UMAD1: variants seen among roughly 807,000 people sequenced by gnomAD.
The protein encoded by UMAD1 is UBAP1-MVB12-associated (UMA)-domain containing protein 1.
In UMAD1, 8 loss-of-function variants were observed where a neutral mutation model predicts 6.1. The observed-to-expected ratio is 1.30, with a 90% CI of 0.76 to 2.35. The LOEUF is 2.35. Ranked by LOEUF, UMAD1 falls within the 30% of genes most tolerant of loss-of-function variation. The pLI is 0.00. For missense variants in UMAD1, 130 were observed against 78.4 expected (o/e 1.66, Z -2.49); for synonymous variants, 56 against 31.4 (o/e 1.78, Z -2.61).
At chr7:7,691,663 G>C (rs143560469) in intron 2 of UMAD1, among the ~76,000 whole-genome samples, 1 of 152,276 alleles carries the variant, frequency 6.6e-6, no homozygotes, top group Admixed American at 6.5e-5. Context: ...TATCTCTAAA[G>C]TTTTCTTAGA....
chr7:7,807,948 A>G (rs1289265418), intron 3 of UMAD1, among the ~76,000 whole-genome samples: 4 of 152,048 alleles, frequency 2.6e-5, no homozygotes, highest in Non-Finnish European at 1.5e-5. Context: ...AAATAGGGTA[A>G]CTTTAGGAGA....
At chr7:7,761,734 A>G (rs553036352) in intron 2 of UMAD1, among the ~76,000 whole-genome samples, 30 of 152,192 alleles carry the variant, frequency 2.0e-4, no homozygotes, top group Non-Finnish European at 4.0e-4. Context: ...ATTGATCCCA[A>G]TTGTTTGCAT....
At chr7:7,728,738 C>G (rs1204282357) in intron 2 of UMAD1, among the ~76,000 whole-genome samples, 1 of 151,916 alleles carries the variant, frequency 6.6e-6, no homozygotes, top group African/African-American at 2.4e-5. Flanking sequence ...GAAGTGGTAT[C>G]TCTTGCTGCT....
In UMAD1 at chr7:7,781,109, A is replaced by C. The variant is rs552500825; in HGVS notation, c.83-20561A>C. Among the ~76,000 whole-genome samples the C allele has an allele frequency of 6.6e-4, 100 of 152,292 alleles. 1 individual carries two copies. Among genetic ancestry groups the C allele is most frequent in the South Asian group, 2.5e-3 (12 of 4,830 alleles). ...CCAAATTGCCTTCTAGAAAGCTTAT[A>C]CCTGTTTACTTTCCTGCTGGCACAG... On this transcript the variant is annotated intron_variant, in intron 2 of 3. Transcript: ENST00000682710.
intron 2 of UMAD1, among the ~76,000 whole-genome samples, chr7:7,766,456 C>T (rs1443696812): frequency 5.9e-5 from 9 of 152,218 alleles, no homozygotes; most frequent in Non-Finnish European, 1.2e-4. Context: ...GCTGCAAGTC[C>T]AGAAAATACT....
intron 2 of UMAD1, among the ~76,000 whole-genome samples, chr7:7,789,622 CCT>C (rs1491161910): frequency 0.012 from 1,588 of 137,264 alleles, 21 homozygotes; most frequent in Middle Eastern, 0.022. Context: ...CCCCTTCTCC[CCT>C]CCCCACAGAC....
chr7:7,813,566 G>C (rs1430308593), intron 3 of UMAD1, among the ~76,000 whole-genome samples: 1 of 151,158 alleles, frequency 6.6e-6, no homozygotes, highest in Non-Finnish European at 1.5e-5. Flanking sequence ...CTACACGTAA[G>C]AGCACAGTGA....
intron 3 of UMAD1, among the ~76,000 whole-genome samples, chr7:7,864,103 G>A (rs1369159089): frequency 1.3e-5 from 2 of 152,192 alleles, no homozygotes; most frequent in African/African-American, 2.4e-5. Flanking sequence ...AACCATGCCC[G>A]ATTTTATGCA....
intron 1 of UMAD1, among the ~76,000 whole-genome samples, chr7:7,665,028 C>T (rs1038169478): frequency 6.6e-6 from 1 of 152,078 alleles, no homozygotes; most frequent in South Asian, 2.1e-4. Flanking sequence ...CACACACACA[C>T]ATTCATACAC....
intron 2 of UMAD1, among the ~76,000 whole-genome samples, chr7:7,778,127 C>T (rs1041157001): frequency 2.0e-5 from 3 of 151,984 alleles, no homozygotes; most frequent in African/African-American, 7.3e-5. Context: ...ATATTAGGTT[C>T]TCTGAAAAAG....
intron 2 of UMAD1, among the ~76,000 whole-genome samples, chr7:7,776,695 A>C (rs950763801): frequency 1.3e-5 from 2 of 152,248 alleles, no homozygotes; most frequent in Non-Finnish European, 2.9e-5. Context: ...ACTAAATTTC[A>C]TAGAGATGAT....
chr7:7,710,829 T>C (rs1167212984), intron 2 of UMAD1, among the ~76,000 whole-genome samples: 1 of 152,170 alleles, frequency 6.6e-6, no homozygotes, highest in African/African-American at 2.4e-5. Flanking sequence ...CTATGGTATA[T>C]CTATATCATG....
chr7:7,852,806 C>T (rs1390679341), intron 3 of UMAD1, among the ~76,000 whole-genome samples: 1 of 152,134 alleles, frequency 6.6e-6, no homozygotes, highest in Non-Finnish European at 1.5e-5. Flanking sequence ...CTTGGATAGA[C>T]AATTGACAAC....
intron 2 of UMAD1, among the ~76,000 whole-genome samples, chr7:7,680,140 C>T (rs907725459): frequency 2.6e-5 from 4 of 152,090 alleles, no homozygotes; most frequent in Non-Finnish European, 5.9e-5. Context: ...GTAGCATTTG[C>T]CCAATGCTTT....
chr7:7,760,410 CAAAATAATA>C (rs996527816), intron 2 of UMAD1, among the ~76,000 whole-genome samples: 4 of 106,592 alleles, frequency 3.8e-5, no homozygotes, highest in African/African-American at 8.2e-5. Context: ...CAAAAAAATA[CAAAATAATA>C]ATAATAATAA....
chr7:7,724,313 G>A (rs903096927), intron 2 of UMAD1, among the ~76,000 whole-genome samples: 1 of 152,120 alleles, frequency 6.6e-6, no homozygotes, highest in Non-Finnish European at 1.5e-5. Flanking sequence ...TGGAGTTTTA[G>A]CTCAAGTCTG....
At chr7:7,848,673 CAG>C (rs1045337350) in intron 3 of UMAD1, among the ~76,000 whole-genome samples, 4 of 151,984 alleles carry the variant, frequency 2.6e-5, no homozygotes, top group African/African-American at 9.7e-5. Flanking sequence ...GAAGGTGACA[CAG>C]GGGTTTGAAA....
At chr7:7,666,460 A>G (rs1779459283) in intron 1 of UMAD1, among the ~76,000 whole-genome samples, 1 of 151,978 alleles carries the variant, frequency 6.6e-6, no homozygotes, top group Non-Finnish European at 1.5e-5. Context: ...TGCCTACCTC[A>G]GCCTCCCAAA....
chr7:7,703,616 T>G (rs1780522227), intron 2 of UMAD1, among the ~76,000 whole-genome samples: 2 of 152,126 alleles, frequency 1.3e-5, no homozygotes, highest in Non-Finnish European at 2.9e-5. Context: ...TTTGTCCTAA[T>G]CAGTTCAGGG....
Sources: gnomAD v4.1 joint callset for allele counts (sites outside exome capture counted in the v4.1 genomes callset) on GRCh38, gnomAD v4.1.1 for gene constraint, MANE v1.5 for transcripts, NCBI Gene and HGNC (gene_info 2026-07-23, HGNC 2026-07-21) for gene names.